The following FIG4 variants were observed in gnomAD, a reference collection of about 807,000 sequenced individuals.
The protein encoded by FIG4 is FIG4 phosphoinositide 5-phosphatase.
A neutral mutation model predicts 118.6 loss-of-function variants in FIG4; 112 were observed. The ratio of observed to expected loss-of-function variants is 0.94; its 90% confidence interval spans 0.81 to 1.11. The LOEUF (loss-of-function observed/expected upper bound fraction) is 1.11. FIG4 is among the 50% of genes least tolerant of loss of function. FIG4 has a pLI of 0.00. For missense variants in FIG4, 969 were observed against 1,111.7 expected, an observed-to-expected ratio of 0.87 and a Z score of 1.83; for synonymous variants, 369 against 381.2, an observed-to-expected ratio of 0.97 and a Z score of 0.37.
intron 22 of FIG4, among the ~76,000 whole-genome samples, chr6:109,814,974 A>G (rs2128401000): frequency 6.6e-6 from 1 of 152,100 alleles, no homozygotes; most frequent in East Asian, 1.9e-4. Flanking sequence ...ATATGTGTAA[A>G]TGTATGTATA....
intron 22 of FIG4, among the ~76,000 whole-genome samples, chr6:109,816,852 A>G (rs754562085): frequency 2.0e-4 from 30 of 152,264 alleles, no homozygotes; most frequent in Non-Finnish European, 3.1e-4. Context: ...ATCAGAACGC[A>G]CATGAAGAAC....
At chr6:109,800,206 G>A (rs1009432553) in intron 22 of FIG4, among the ~76,000 whole-genome samples, 5 of 152,122 alleles carry the variant, frequency 3.3e-5, no homozygotes, top group Admixed American at 6.5e-5. Context: ...ATCAATGCCC[G>A]TTGTTGCCAG....
At chr6:109,716,394 A>AG in intron 2 of FIG4, 51 bp from the exon 3 acceptor site, 1 of 1,600,734 alleles carries the variant, frequency 6.2e-7, no homozygotes, top group Middle Eastern at 1.7e-4. Flanking sequence ...CAAATAATAA[A>AG]TAATCTAAAG....
Position 109,766,779 on chromosome 6 carries a change from A to G in FIG4, c.1634A>G (p.Tyr545Cys). 6.2e-7 allele frequency: 1 copy of G among 1,613,942 alleles called. No homozygotes were observed. The highest frequency in any genetic ancestry group is 8.5e-7 in the Non-Finnish European group (1 of 1,179,838). Residue 545 changes from tyrosine to cysteine, a missense_variant, in exon 15 of 23, where the codon TAT becomes TGT. Tyr to Cys is a radical substitution (Grantham distance 194). Around this residue, in one of 3 missense-constraint regions of FIG4, gnomAD observed 246 missense variants for 354.3 expected, o/e 0.69. Coordinates refer to ENST00000230124, the MANE Select transcript of FIG4 (RefSeq NM_014845.6). ...CATGGTGATACCCTATCCCTTCAGT[A>G]TGGTGGTTCTCAACTTGTTCATCGT... ...EDHGDTLSLQ[Y>C]GGSQLVHRVK...
At position 109,727,404 on chromosome 6, in the gene FIG4, TGTC is replaced by T. The variant is rs1337617226; in HGVS notation, c.446+142_446+144del. 7 of 705,966 alleles carry T rather than the reference TGTC, an allele frequency of 9.9e-6. No individual in the cohort carries two copies. The East Asian group carries it at 1.8e-4, about 18-fold the overall frequency. 43.7% of individuals were successfully genotyped at this position (705,966 alleles called of 1,614,324 possible). On this transcript the variant is annotated intron_variant, in intron 4 of 22. Coordinates refer to ENST00000230124, the MANE Select transcript of FIG4 (RefSeq NM_014845.6). ...CCCAGGCTCAAGTACTTTTTTTTAA[TGTC>T]GTAGATCAGGTAGAAAATAAAATAC...
Position 109,741,252 on chromosome 6 carries a change from G to C in FIG4, c.776-192G>C, listed in dbSNP as rs1776314187. Among the ~76,000 whole-genome samples the C allele has an allele frequency of 2.0e-5, 3 of 152,264 alleles. No homozygotes were observed. In the South Asian group the frequency reaches 6.2e-4, roughly 32 times the overall value. On this transcript the variant is annotated intron_variant, in intron 7 of 22. Transcript: ENST00000230124. ...GCACTCCTTAGTCAGGTTGGATATT[G>C]CCTTCCCTTTGTAGCTGCACTGCAA... is the stretch of plus-strand genomic sequence containing the variant.
At chr6:109,786,979 A>G (rs1051758548) in intron 18 of FIG4, among the ~76,000 whole-genome samples, 3 of 152,068 alleles carry the variant, frequency 2.0e-5, no homozygotes, top group African/African-American at 4.8e-5. Context: ...AATGGTAGCT[A>G]TTATTATTAC....
intron 4 of FIG4, among the ~76,000 whole-genome samples, chr6:109,729,428 G>A (rs1393967761): frequency 6.6e-6 from 1 of 152,096 alleles, no homozygotes; most frequent in Admixed American, 6.6e-5. Flanking sequence ...CAATACAGAG[G>A]TATCTGCCGT....
intron 2 of FIG4, among the ~76,000 whole-genome samples, chr6:109,716,237 A>G (rs1022148435): frequency 6.6e-6 from 1 of 152,170 alleles, no homozygotes; most frequent in Non-Finnish European, 1.5e-5. Flanking sequence ...TTTTTTTAGT[A>G]TAGCAGCATG....
rs114795700 is a variant in FIG4 at position 109,823,919 on chromosome 6, C to G, written c.2547-1169C>G. Among the ~76,000 whole-genome samples, 936 of 152,324 alleles carry G rather than the reference C, an allele frequency of 6.1e-3. 8 individuals are homozygous for G. Among genetic ancestry groups the G allele is most frequent in the African/African-American group, 0.022 (906 of 41,568 alleles). ...GTGTGTTGTCATTGTGCCCCCCAGC[C>G]CCTCACACTGCCTTGTTAGCTTACC... On this transcript the variant is annotated intron_variant, in intron 22 of 22. Transcript: ENST00000230124.
At chr6:109,743,514 A>G (rs1776388486) in intron 9 of FIG4, 161 bp from the exon 10 acceptor site, 3 of 689,344 alleles carry the variant, frequency 4.4e-6, no homozygotes, top group Admixed American at 2.3e-5. Context: ...TAATAAATAC[A>G]TGATGAATAA....
At chr6:109,792,480 T>C in intron 20 of FIG4, 102 bp from the exon 21 acceptor site, 1 of 757,196 alleles carries the variant, frequency 1.3e-6, no homozygotes, top group Non-Finnish European at 2.3e-6. Context: ...CTGTGATTGC[T>C]TTTGTGGAAA....
At chr6:109,703,099 AT>A (rs35295916) in intron 1 of FIG4, among the ~76,000 whole-genome samples, 8 of 149,942 alleles carry the variant, frequency 5.3e-5, no homozygotes, top group South Asian at 4.2e-4. Context: ...ATAGAAGTTC[AT>A]TTTTTTTTTA....
In FIG4 at chr6:109,791,312, G is replaced by GAT; in HGVS notation, c.2181-62_2181-61dup. On this transcript the variant is annotated intron_variant, in intron 19 of 22. Coordinates refer to ENST00000230124, the MANE Select transcript of FIG4 (RefSeq NM_014845.6). ...TAGGCCTAAGGCTTTGGGACAGAGT[G>GAT]ATAGACAGTGGGTGTTGAGGGTTAG... 5.1e-6 allele frequency: 7 copies of GAT among 1,363,810 alleles called. No individual in the cohort carries two copies. In the South Asian group the frequency reaches 7.0e-5, roughly 14 times the overall value. 84.5% of individuals were successfully genotyped at this position (1,363,810 alleles called of 1,614,324 possible).
intron 11 of FIG4, 145 bp downstream of exon 11, chr6:109,760,528 G>A: frequency 1.3e-6 from 1 of 749,710 alleles, no homozygotes; most frequent in South Asian, 1.5e-5. Flanking sequence ...AGTGCATCAA[G>A]AAACTAACCA....
At chr6:109,693,327 A>C (rs1378669475) in intron 1 of FIG4, among the ~76,000 whole-genome samples, 2 of 152,054 alleles carry the variant, frequency 1.3e-5, no homozygotes, top group Admixed American at 1.3e-4. Flanking sequence ...GCTGTTCTCT[A>C]TTCTCTTAAT....
In FIG4 at chr6:109,701,955, T is replaced by A. The variant is rs191846057; in HGVS notation, c.66+10454T>A. Among the ~76,000 whole-genome samples the A allele has an allele frequency of 5.3e-4, 80 of 152,310 alleles. No individual in the cohort carries two copies. The East Asian group carries it at 0.015, about 28-fold the overall frequency. On this transcript the variant is annotated intron_variant, in intron 1 of 22. Transcript: ENST00000230124. ...CTTCCCCAGAGTAAAGCCCTGAAGGTCAAATGGATAGACTTGCAGACCTCT... is the reference window on the plus strand; with the variant it reads ...CTTCCCCAGAGTAAAGCCCTGAAGGACAAATGGATAGACTTGCAGACCTCT...
In FIG4 at chr6:109,814,616, G is replaced by A. The variant is rs139643298; in HGVS notation, c.2547-10472G>A. Among the ~76,000 whole-genome samples the A allele has an allele frequency of 1.8e-4, 28 of 151,782 alleles. 1 individual carries two copies. Among genetic ancestry groups the A allele is most frequent in the East Asian group, 1.5e-3 (8 of 5,166 alleles). ...GTTTTTCTTACTATGAGATCCTAAC[G>A]TCCTGTGTATTCAATGGGATATACT... is the stretch of plus-strand genomic sequence containing the variant. On this transcript the variant is annotated intron_variant, in intron 22 of 22. Coordinates refer to ENST00000230124, the MANE Select transcript of FIG4 (RefSeq NM_014845.6).
intron 22 of FIG4, among the ~76,000 whole-genome samples, chr6:109,815,998 T>C (rs1343529446): frequency 2.6e-5 from 4 of 152,160 alleles, no homozygotes; most frequent in Non-Finnish European, 5.9e-5. Context: ...TTAAAGATAA[T>C]TAGCATTATT....
Sources: gnomAD v4.1 joint callset for allele counts (sites outside exome capture counted in the v4.1 genomes callset) on GRCh38, gnomAD v4.1.1 for gene constraint, gnomAD v4.1.1 regional missense constraint, MANE v1.5 for transcripts, NCBI Gene and HGNC (gene_info 2026-07-23, HGNC 2026-07-21) for gene names.